The following ROR2 variants were observed in gnomAD, a reference collection of about 807,000 sequenced individuals.
The protein encoded by ROR2 is ROR family WNT receptor 2.
A neutral mutation model predicts 74.9 loss-of-function variants in ROR2; 33 were observed. That is an observed-to-expected ratio of 0.44 (90% CI 0.33 to 0.59). ROR2 has a LOEUF of 0.59. Among genes scored for constraint, ROR2 ranks in the 20% least tolerant of loss-of-function variants. The pLI is 0.02. For synonymous variants in ROR2, 586 were observed against 558.7 expected, an observed-to-expected ratio of 1.05 and a Z score of -0.69; for missense variants, 1,216 against 1,313.8, an observed-to-expected ratio of 0.93 and a Z score of 1.15.
intron 1 of ROR2, among the ~76,000 whole-genome samples, chr9:91,935,173 C>T (rs1831649536): frequency 6.6e-6 from 1 of 152,174 alleles, no homozygotes; most frequent in Non-Finnish European, 1.5e-5. Context: ...TGCAAATCTC[C>T]TCCTTGCACC....
chr9:91,906,805 A>G (rs1830830099), intron 1 of ROR2, among the ~76,000 whole-genome samples: 1 of 152,194 alleles, frequency 6.6e-6, no homozygotes, highest in Non-Finnish European at 1.5e-5. Flanking sequence ...AGAAGCACCA[A>G]GGACTTCCAA....
chr9:91,925,972 G>A (rs917438783), intron 1 of ROR2, among the ~76,000 whole-genome samples: 6 of 152,164 alleles, frequency 3.9e-5, no homozygotes, highest in Non-Finnish European at 8.8e-5. Flanking sequence ...GGCCTGGCGC[G>A]GTTGCTCACG....
chr9:91,896,961 C>A (rs551867036), intron 1 of ROR2, among the ~76,000 whole-genome samples: 5 of 152,316 alleles, frequency 3.3e-5, no homozygotes, highest in Non-Finnish European at 7.3e-5. Context: ...CCTCTCTGCC[C>A]GGTAACACAG....
intron 3 of ROR2, among the ~76,000 whole-genome samples, chr9:91,756,392 G>A (rs182620161): frequency 1.1e-4 from 17 of 152,280 alleles, no homozygotes; most frequent in East Asian, 1.9e-4. Flanking sequence ...ACTTATGATC[G>A]GATGGCGTGG....
chr9:91,730,875 T>C (rs749013032), intron 7 of ROR2, 35 bp downstream of exon 7: 1 of 1,613,372 alleles, frequency 6.2e-7, no homozygotes, highest in Non-Finnish European at 8.5e-7. Context: ...CACTCAACAA[T>C]CAACACATTA....
intron 1 of ROR2, among the ~76,000 whole-genome samples, chr9:91,839,786 T>G (rs182899578): frequency 6.6e-6 from 1 of 151,928 alleles, no homozygotes; most frequent in Admixed American, 6.6e-5. Context: ...TACTGGGTGA[T>G]GTGTCCCGGG....
At chr9:91,864,625 C>A (rs1829574436) in intron 1 of ROR2, among the ~76,000 whole-genome samples, 1 of 152,192 alleles carries the variant, frequency 6.6e-6, no homozygotes. Flanking sequence ...CCAGAGCGAT[C>A]ACTCACACCC....
At chr9:91,852,331 A>AT (rs1334586108) in intron 1 of ROR2, among the ~76,000 whole-genome samples, 1 of 152,188 alleles carries the variant, frequency 6.6e-6, no homozygotes, top group Non-Finnish European at 1.5e-5. Flanking sequence ...CATTTGCTTA[A>AT]TTTAGCTTCC....
At chr9:91,877,482 G>T (rs927626795) in intron 1 of ROR2, among the ~76,000 whole-genome samples, 1 of 152,204 alleles carries the variant, frequency 6.6e-6, no homozygotes, top group Non-Finnish European at 1.5e-5. Context: ...AAGAAGATCA[G>T]ATAACTACTA....
chr9:91,928,261 C>T (rs1482793093), intron 1 of ROR2, among the ~76,000 whole-genome samples: 3 of 152,214 alleles, frequency 2.0e-5, no homozygotes, highest in Non-Finnish European at 4.4e-5. Context: ...GAACCGTCCC[C>T]CACTGCCTTG....
At chr9:91,895,091 A>G (rs1830505032) in intron 1 of ROR2, among the ~76,000 whole-genome samples, 2 of 152,242 alleles carry the variant, frequency 1.3e-5, no homozygotes, top group South Asian at 4.1e-4. Flanking sequence ...AGCACTAAAA[A>G]GAAATGAGCT....
intron 2 of ROR2, among the ~76,000 whole-genome samples, chr9:91,770,296 T>C (rs1826186368): frequency 6.6e-6 from 1 of 152,230 alleles, no homozygotes; most frequent in South Asian, 2.1e-4. Context: ...ATGAAAAGAA[T>C]TCTGAGGACA....
At chr9:91,873,780 G>A (rs552420197) in intron 1 of ROR2, among the ~76,000 whole-genome samples, 4 of 152,112 alleles carry the variant, frequency 2.6e-5, no homozygotes, top group Non-Finnish European at 5.9e-5. Context: ...ATCCAGCGCC[G>A]AGCAGCTGAA....
intron 1 of ROR2, among the ~76,000 whole-genome samples, chr9:91,831,209 C>A (rs1176217334): frequency 6.6e-6 from 1 of 150,530 alleles, no homozygotes; most frequent in Admixed American, 6.6e-5. Context: ...TGTGGTGAGC[C>A]GAGATTGCAC....
chr9:91,817,768 C>G (rs940372710), intron 1 of ROR2, among the ~76,000 whole-genome samples: 1 of 151,740 alleles, frequency 6.6e-6, no homozygotes, highest in Non-Finnish European at 1.5e-5. Context: ...GGTTTAACGA[C>G]AGTGATTAAG....
At chr9:91,869,936 T>C (rs762949719) in intron 1 of ROR2, among the ~76,000 whole-genome samples, 2 of 152,246 alleles carry the variant, frequency 1.3e-5, no homozygotes, top group African/African-American at 2.4e-5. Flanking sequence ...CTGCAAGATA[T>C]TGGGAAGTAG....
At chr9:91,779,220 CATCACAACTTTTCT>C (rs1447644624) in intron 1 of ROR2, among the ~76,000 whole-genome samples, 12 of 151,814 alleles carry the variant, frequency 7.9e-5, no homozygotes. Flanking sequence ...TATGTACTGT[CATCACAACTTTTCT>C]ATAAATCTAA....
At position 91,730,896 on chromosome 9, in the gene ROR2, G is replaced by A; in HGVS notation, c.1183+14C>T. On this transcript the variant is annotated intron_variant, in intron 7 of 8. Transcript: ENST00000375708. Reference sequence around the variant, plus strand: ...ACAATCAACACATTAAAAAAAGAGAGAGAGAATACATACTACACGAGGGTA... The same window carrying A: ...ACAATCAACACATTAAAAAAAGAGAAAGAGAATACATACTACACGAGGGTA... 1 of 1,614,056 alleles carries A rather than the reference G, an allele frequency of 6.2e-7. No homozygotes were observed. The highest frequency in any genetic ancestry group is 1.1e-5 in the South Asian group (1 of 91,056).
chr9:91,874,928 C>T (rs867409476), intron 1 of ROR2, among the ~76,000 whole-genome samples: 88 of 148,426 alleles, frequency 5.9e-4, no homozygotes, highest in Middle Eastern at 6.9e-3. Flanking sequence ...AGCGAAACTC[C>T]GTCTCAAAAA....
Sources: gnomAD v4.1 joint callset for allele counts (sites outside exome capture counted in the v4.1 genomes callset) on GRCh38, gnomAD v4.1.1 for gene constraint, MANE v1.5 for transcripts, NCBI Gene and HGNC (gene_info 2026-07-23, HGNC 2026-07-21) for gene names.